Variants in TTC1 observed in about 807,000 individuals in gnomAD.
The protein encoded by TTC1 is tetratricopeptide repeat protein 1.
A neutral mutation model predicts 37.6 loss-of-function variants in TTC1; 31 were observed. That is an observed-to-expected ratio of 0.82 (90% CI 0.62 to 1.11). The LOEUF is 1.11. Among genes scored for constraint, TTC1 ranks in the 50% most tolerant of loss-of-function variants. The pLI is 0.00. For synonymous variants in TTC1, 127 were observed against 122.4 expected (o/e 1.04, Z -0.25); for missense variants, 351 against 339.0 (o/e 1.04, Z -0.28).
At chr5:160,051,083 T>G (rs200821468) in intron 6 of TTC1, 46 bp from the exon 7 acceptor site, 5 of 31,604 alleles carry the variant, frequency 1.6e-4, no homozygotes, top group South Asian at 6.7e-4. Context: ...AAGGTTTTGG[T>G]TTTTTTTTTT....
At chr5:160,038,227 T>C (rs184689008) in intron 4 of TTC1, among the ~76,000 whole-genome samples, 1 of 152,320 alleles carries the variant, frequency 6.6e-6, no homozygotes, top group Admixed American at 6.5e-5. Flanking sequence ...AAACAATTGG[T>C]TTAACTTTAT....
chr5:160,041,415 A>G (rs771743076), intron 4 of TTC1, among the ~76,000 whole-genome samples: 44 of 151,644 alleles, frequency 2.9e-4, no homozygotes, highest in African/African-American at 1.2e-4. Context: ...GTTTCAAGCA[A>G]TTCTCCTGCG....
In TTC1 at chr5:160,065,086, C is replaced by T. The variant is rs1186869684; in HGVS notation, c.*21C>T. 2 of 1,604,344 alleles carry T rather than the reference C, an allele frequency of 1.2e-6. No homozygotes were observed. The highest frequency in any genetic ancestry group is 2.7e-5 in the African/African-American group (2 of 74,272). ...GATAACAAAGATAACAAAAGCTTTA[C>T]AAGCTGACTTGGAATTGTGTGCTGC... On this transcript the variant is annotated 3_prime_UTR_variant, in exon 8 of 8. Coordinates refer to ENST00000231238, the MANE Select transcript of TTC1 (RefSeq NM_003314.3).
intron 2 of TTC1, among the ~76,000 whole-genome samples, chr5:160,033,080 C>G (rs909485503): frequency 5.3e-5 from 8 of 152,162 alleles, no homozygotes; most frequent in South Asian, 2.1e-4. Flanking sequence ...TCTGTGAGCA[C>G]TGATACCTTG....
intron 2 of TTC1, among the ~76,000 whole-genome samples, chr5:160,026,639 A>G (rs1291450211): frequency 2.0e-5 from 3 of 152,176 alleles, no homozygotes; most frequent in African/African-American, 7.2e-5. Flanking sequence ...GTTGCTGTTT[A>G]CACAGTATCT....
chr5:160,044,076 G>A (rs1757155909), intron 5 of TTC1, among the ~76,000 whole-genome samples: 1 of 152,082 alleles, frequency 6.6e-6, no homozygotes, highest in South Asian at 2.1e-4. Context: ...TTTTCTTGCG[G>A]CTTAGTCTCA....
At chr5:160,047,892 T>C (rs896277941) in intron 5 of TTC1, among the ~76,000 whole-genome samples, 4 of 152,182 alleles carry the variant, frequency 2.6e-5, no homozygotes, top group Non-Finnish European at 5.9e-5. Flanking sequence ...TGTTTTATTT[T>C]TCATTATAGT....
At chr5:160,042,091 G>A (rs762971573) in intron 4 of TTC1, among the ~76,000 whole-genome samples, 3 of 151,860 alleles carry the variant, frequency 2.0e-5, no homozygotes, top group Non-Finnish European at 2.9e-5. Context: ...CACCACACCC[G>A]GCTAATTTTT....
At chr5:160,054,948 C>G (rs1424641598) in intron 7 of TTC1, among the ~76,000 whole-genome samples, 1 of 152,248 alleles carries the variant, frequency 6.6e-6, no homozygotes, top group Non-Finnish European at 1.5e-5. Flanking sequence ...ATACTTAGGA[C>G]AAACTCCCAG....
At chr5:160,009,431 T>A (rs1294761580) in intron 1 of TTC1, among the ~76,000 whole-genome samples, 1 of 152,156 alleles carries the variant, frequency 6.6e-6, no homozygotes, top group Non-Finnish European at 1.5e-5. Context: ...CAGACTCTTG[T>A]CGTGATACAA....
intron 4 of TTC1, 139 bp downstream of exon 4, chr5:160,036,942 A>G: frequency 3.5e-6 from 2 of 578,908 alleles, no homozygotes; most frequent in Non-Finnish European, 3.1e-6. Context: ...TAAAGGCCAC[A>G]GGGAGAATAG....
intron 2 of TTC1, among the ~76,000 whole-genome samples, chr5:160,023,145 A>C (rs1756740952): frequency 6.6e-6 from 1 of 151,930 alleles, no homozygotes; most frequent in African/African-American, 2.4e-5. Context: ...AATCCCAGCT[A>C]CTCAGGAGGC....
At chr5:160,064,116 A>G (rs1753524303) in intron 7 of TTC1, among the ~76,000 whole-genome samples, 2 of 151,938 alleles carry the variant, frequency 1.3e-5, no homozygotes, top group African/African-American at 4.8e-5. Flanking sequence ...CTGTAGGCGT[A>G]TGCCACCACC....
At chr5:160,062,411 G>T (rs1753444001) in intron 7 of TTC1, among the ~76,000 whole-genome samples, 1 of 152,164 alleles carries the variant, frequency 6.6e-6, no homozygotes, top group Non-Finnish European at 1.5e-5. Flanking sequence ...GAGCACTGTG[G>T]CATGTAGCCT....
intron 7 of TTC1, among the ~76,000 whole-genome samples, chr5:160,063,035 T>TGTG (rs1341022062): frequency 6.6e-6 from 1 of 152,192 alleles, no homozygotes; most frequent in Admixed American, 6.5e-5. Context: ...ACAGAACGTG[T>TGTG]GTGTCCCAGG....
chr5:160,044,629 G>A (rs536877272), intron 5 of TTC1, among the ~76,000 whole-genome samples: 2 of 152,328 alleles, frequency 1.3e-5, no homozygotes, highest in Admixed American at 6.5e-5. Context: ...AGGGAGCAGT[G>A]AGGATGACCA....
At chr5:160,026,807 T>C (rs890396299) in intron 2 of TTC1, among the ~76,000 whole-genome samples, 8 of 152,228 alleles carry the variant, frequency 5.3e-5, no homozygotes, top group African/African-American at 1.7e-4. Context: ...TTGATATGTT[T>C]GGATTTACAT....
At chr5:160,059,117 T>C (rs1268671377) in intron 7 of TTC1, among the ~76,000 whole-genome samples, 2 of 152,220 alleles carry the variant, frequency 1.3e-5, no homozygotes, top group African/African-American at 4.8e-5. Flanking sequence ...CAGCCTATCC[T>C]TTGAAGCCAG....
At position 160,065,189 on chromosome 5, in the gene TTC1, A is replaced by G; in HGVS notation, c.*124A>G. Reference sequence around the variant, plus strand: ...TTATCTAAAAGAAAGGCTATCCAGTAGAGCCCAGTGCTCCCTTGTCCCTCT... The same window carrying G: ...TTATCTAAAAGAAAGGCTATCCAGTGGAGCCCAGTGCTCCCTTGTCCCTCT... On this transcript the variant is annotated 3_prime_UTR_variant, in exon 8 of 8. Coordinates refer to ENST00000231238, the MANE Select transcript of TTC1 (RefSeq NM_003314.3). 1 of 1,306,806 alleles carries G rather than the reference A, an allele frequency of 7.7e-7. No homozygotes were observed. Among genetic ancestry groups the G allele is most frequent in the Non-Finnish European group, 1.1e-6 (1 of 938,426 alleles). The allele number at this position is 1,306,806 out of a possible 1,614,324, so 81.0% of individuals were successfully genotyped here.
Sources: allele counts gnomAD v4.1 joint callset (sites outside exome capture counted in the v4.1 genomes callset), GRCh38; gene constraint gnomAD v4.1.1; transcripts MANE v1.5; gene names NCBI Gene and HGNC (gene_info 2026-07-23, HGNC 2026-07-21).